The following ASTN2 variants were observed in gnomAD, a reference collection of about 807,000 sequenced individuals.
ASTN2 encodes the protein astrotactin-2.
ASTN2 carries 54 observed loss-of-function variants against 139.8 expected under a neutral mutation model. The observed-to-expected ratio is 0.39, with a 90% confidence interval of 0.31 to 0.48. The LOEUF (loss-of-function observed/expected upper bound fraction) is 0.48. Among genes scored for constraint, ASTN2 ranks in the 20% least tolerant of loss-of-function variants. The probability of loss-of-function intolerance (pLI) is 0.95; values close to 1 mark genes in which losing one functional copy is unlikely to be tolerated. For synonymous variants in ASTN2, 756 were observed against 719.5 expected (o/e 1.05, Z -0.81); for missense variants, 1,565 against 1,725.1 (o/e 0.91, Z 1.64).
intron 1 of ASTN2, among the ~76,000 whole-genome samples, chr9:117,301,232 T>C (rs892750824): frequency 3.3e-5 from 5 of 152,186 alleles, no homozygotes; most frequent in Admixed American, 2.6e-4. Context: ...CCTTGGTTTC[T>C]ATGTTTGCAT....
At position 117,116,834 on chromosome 9, in the gene ASTN2, CAAAAAAAAAAAAAAA is replaced by C. The variant is rs72075422; in HGVS notation, c.1169-20698_1169-20684del. The stretch of plus-strand genomic sequence containing the variant: ...GTTTTGAGGCAGTTCTGGCATGAGC[CAAAAAAAAAAAAAAA>C]AAAAAAAAAAAAAAAAGGCCTTTCC... On this transcript the variant is annotated intron_variant, in intron 4 of 22. Coordinates refer to ENST00000313400, the MANE Select transcript of ASTN2 (RefSeq NM_001365068.1). Among the ~76,000 whole-genome samples, 52 of 45,188 alleles carry C rather than the reference CAAAAAAAAAAAAAAA, an allele frequency of 1.2e-3. 1 individual carries two copies. The highest frequency in any genetic ancestry group is 5.3e-3 in the African/African-American group (51 of 9,696). The allele number at this position is 45,188 out of a possible 152,430, so 29.6% of individuals were successfully genotyped here.
At chr9:117,406,880 ACACACACACACACACACAC>A (rs1831009417) in intron 1 of ASTN2, among the ~76,000 whole-genome samples, 1 of 151,160 alleles carries the variant, frequency 6.6e-6, no homozygotes, top group African/African-American at 2.4e-5. Flanking sequence ...ACACACACAC[ACACACACACACACACACAC>A]AACACAGAGG....
chr9:117,037,851 C>T (rs1015213515), intron 6 of ASTN2, among the ~76,000 whole-genome samples: 2 of 152,064 alleles, frequency 1.3e-5, no homozygotes, highest in Non-Finnish European at 2.9e-5. Flanking sequence ...CTTCTAGCTG[C>T]GTAATCCATC....
chr9:116,801,531 A>G (rs1400454601), intron 13 of ASTN2, among the ~76,000 whole-genome samples: 1 of 140,204 alleles, frequency 7.1e-6, no homozygotes, highest in Non-Finnish European at 1.5e-5. Context: ...GTGAGCCAAG[A>G]TCATGTCACT....
intron 1 of ASTN2, among the ~76,000 whole-genome samples, chr9:117,399,243 A>C (rs1208579860): frequency 3.3e-5 from 5 of 152,222 alleles, no homozygotes. Context: ...TACTGACTGC[A>C]CTGAATATAC....
intron 10 of ASTN2, among the ~76,000 whole-genome samples, chr9:116,868,230 A>AT (rs1697256881): frequency 6.6e-6 from 1 of 152,100 alleles, no homozygotes; most frequent in African/African-American, 2.4e-5. Context: ...ATTCCCTGTG[A>AT]TTTTCACAAG....
intron 16 of ASTN2, among the ~76,000 whole-genome samples, chr9:116,659,132 C>T (rs1459480849): frequency 2.0e-5 from 3 of 152,114 alleles, no homozygotes; most frequent in African/African-American, 7.2e-5. Flanking sequence ...TCTCAATTTG[C>T]AGTATGAACT....
At chr9:117,407,684 G>A (rs2130974110) in intron 1 of ASTN2, among the ~76,000 whole-genome samples, 1 of 152,324 alleles carries the variant, frequency 6.6e-6, no homozygotes, top group South Asian at 2.1e-4. Flanking sequence ...TTGTCCAAAA[G>A]AGCTATAGTC....
intron 22 of ASTN2, 66 bp downstream of exon 22, chr9:116,440,543 G>T: frequency 6.8e-7 from 1 of 1,472,354 alleles, no homozygotes; most frequent in African/African-American, 1.4e-5. Context: ...TATGGGGAAA[G>T]GGTCCAGAAA....
rs192589379 is a variant in ASTN2 at position 116,507,911 on chromosome 9, G to A, written c.3356-20411C>T. 2.2e-3 allele frequency among the ~76,000 whole-genome samples: 335 copies of A among 152,024 alleles called. 1 individual carries two copies. The highest frequency in any genetic ancestry group is 7.3e-3 in the African/African-American group (302 of 41,456). On this transcript the variant is annotated intron_variant, in intron 19 of 22. Coordinates refer to ENST00000313400, the MANE Select transcript of ASTN2 (RefSeq NM_001365068.1). ...TTATTTATTTATTTTTTCTTGAGAC[G>A]GAGTTTCGCTCTTGTCGCCCAGGCT...
At chr9:116,893,453 G>T (rs191138979) in intron 10 of ASTN2, among the ~76,000 whole-genome samples, 117 of 152,262 alleles carry the variant, frequency 7.7e-4, no homozygotes, top group African/African-American at 2.8e-3. Context: ...AAGCAGGAGA[G>T]ATCTAGGAGT....
rs376739394 is a variant in ASTN2 at position 117,205,345 on chromosome 9, G to A, written c.1015+9013C>T. On this transcript the variant is annotated intron_variant, in intron 3 of 22. Transcript: ENST00000313400. ...CATCTTGGGGTTCAAGACTTACCAC[G>A]TGCCAAGTCATGGGGTAGGTATTTT... 3.9e-5 allele frequency among the ~76,000 whole-genome samples: 6 copies of A among 152,112 alleles called. No homozygotes were observed. In the East Asian group the frequency reaches 9.6e-4, roughly 24 times the overall value.
chr9:117,256,202 G>A (rs57674077), intron 2 of ASTN2, among the ~76,000 whole-genome samples: 3 of 151,938 alleles, frequency 2.0e-5, no homozygotes, highest in Non-Finnish European at 4.4e-5. Context: ...CCCAGGACTC[G>A]CCTTATACCC....
intron 19 of ASTN2, among the ~76,000 whole-genome samples, chr9:116,489,465 T>C (rs749754219): frequency 6.6e-6 from 1 of 152,112 alleles, no homozygotes; most frequent in African/African-American, 2.4e-5. Context: ...GCTTCCCAAA[T>C]AGCTGGTACT....
At chr9:116,767,363 G>A (rs901977424) in intron 13 of ASTN2, among the ~76,000 whole-genome samples, 4 of 152,226 alleles carry the variant, frequency 2.6e-5, no homozygotes, top group South Asian at 2.1e-4. Flanking sequence ...AGACGAGGGT[G>A]ATTGTTCAGG....
At chr9:117,239,706 C>A (rs1334813210) in intron 2 of ASTN2, among the ~76,000 whole-genome samples, 1 of 152,158 alleles carries the variant, frequency 6.6e-6, no homozygotes, top group African/African-American at 2.4e-5. Context: ...AGTTAAACTT[C>A]CTGCTTAAAT....
At chr9:117,031,042 C>T (rs529910918) in intron 6 of ASTN2, among the ~76,000 whole-genome samples, 5 of 152,298 alleles carry the variant, frequency 3.3e-5, no homozygotes, top group African/African-American at 1.2e-4. Flanking sequence ...TCATTGCCAC[C>T]TCCCCTATGG....
intron 12 of ASTN2, among the ~76,000 whole-genome samples, chr9:116,807,576 T>C (rs1159916511): frequency 6.6e-6 from 1 of 152,196 alleles, no homozygotes; most frequent in Non-Finnish European, 1.5e-5. Flanking sequence ...TGTTAAATAT[T>C]ACTAAGTCCC....
intron 1 of ASTN2, among the ~76,000 whole-genome samples, chr9:117,398,910 T>C (rs745496699): frequency 6.6e-6 from 1 of 152,088 alleles, no homozygotes; most frequent in Admixed American, 6.6e-5. Context: ...GCCTCCCGAG[T>C]AGCTGGGACT....
Sources: allele counts gnomAD v4.1 joint callset (sites outside exome capture counted in the v4.1 genomes callset), GRCh38; gene constraint gnomAD v4.1.1; transcripts MANE v1.5; gene names NCBI Gene and HGNC (gene_info 2026-07-23, HGNC 2026-07-21).